The following CFHR4 variants were observed in gnomAD, a reference collection of about 807,000 sequenced individuals.
CFHR4 encodes complement factor H related 4, also known as complement factor H-related protein 4.
A neutral mutation model predicts 69.3 loss-of-function variants in CFHR4; 64 were observed. The observed-to-expected ratio is 0.92, with a 90% confidence interval of 0.76 to 1.14. The LOEUF (loss-of-function observed/expected upper bound fraction) is 1.14. Among genes scored for constraint, CFHR4 ranks in the 50% most tolerant of loss-of-function variants. The probability of loss-of-function intolerance (pLI) is 0.00; values close to 1 mark genes in which losing one functional copy is unlikely to be tolerated. For missense variants in CFHR4, 636 were observed against 684.9 expected (o/e 0.93, Z 0.80); for synonymous variants, 244 against 237.0 (o/e 1.03, Z -0.27).
At chr1:196,900,558 A>G (rs1301822571) in intron 1 of CFHR4, among the ~76,000 whole-genome samples, 1 of 151,394 alleles carries the variant, frequency 6.6e-6, no homozygotes, top group Non-Finnish European at 1.5e-5. Flanking sequence ...TTCTGAAATC[A>G]GAAAACTAAA....
At chr1:196,900,876 A>G (rs1029533463) in intron 1 of CFHR4, among the ~76,000 whole-genome samples, 3 of 151,528 alleles carry the variant, frequency 2.0e-5, no homozygotes, top group African/African-American at 7.3e-5. Context: ...CAACAATGAG[A>G]GATATGGATA....
chr1:196,908,201 T>G lies in CFHR4; in HGVS notation c.799+703T>G, dbSNP rs957560712. Among the ~76,000 whole-genome samples, 3 of 151,310 alleles carry G rather than the reference T, an allele frequency of 2.0e-5. 1 individual carries two copies. Among genetic ancestry groups the G allele is most frequent in the African/African-American group, 7.3e-5 (3 of 40,954 alleles). On this transcript the variant is annotated intron_variant, in intron 5 of 9. Transcript: ENST00000608469. ...GAGGGATAGCATTAAGAGAAACACC[T>G]AATGTAGGTGATGGGTTGATGGGTG...
intron 3 of CFHR4, 24 bp downstream of exon 3, chr1:196,905,314 T>G (rs751564137): frequency 1.2e-6 from 2 of 1,608,648 alleles, no homozygotes; most frequent in Non-Finnish European, 1.7e-6. Flanking sequence ...ATATTCCCAC[T>G]CAGTTTCTGT....
rs536964909 is a variant in CFHR4, at chr1:196,896,677, T to G, written c.59-5741T>G. On this transcript the variant is annotated intron_variant, in intron 1 of 9. Transcript: ENST00000608469. Reference sequence around the variant, plus strand: ...CACTGTGCTAGGAGCTAAAATTGACTGAATGTGAGTGCAACTTACGATCCA... The same window carrying G: ...CACTGTGCTAGGAGCTAAAATTGACGGAATGTGAGTGCAACTTACGATCCA... 6.5e-4 allele frequency among the ~76,000 whole-genome samples: 99 copies of G among 151,600 alleles called. 3 individuals are homozygous for G. The highest frequency in any genetic ancestry group is 2.3e-3 in the African/African-American group (95 of 41,140).
At chr1:196,905,418 T>C in intron 3 of CFHR4, 128 bp downstream of exon 3, 1 of 1,320,984 alleles carries the variant, frequency 7.6e-7, no homozygotes, top group South Asian at 1.4e-5. Context: ...TCTAACATCA[T>C]CTAACATTCT....
chr1:196,917,253 T>G (rs532048714), intron 9 of CFHR4, among the ~76,000 whole-genome samples: 2 of 151,840 alleles, frequency 1.3e-5, no homozygotes, highest in African/African-American at 4.8e-5. Flanking sequence ...GGTGAGTGAA[T>G]GATATCATCA....
Position 196,905,183 on chromosome 1 carries a change from A to G in CFHR4, c.332A>G (p.Glu111Gly). 6.2e-7 allele frequency: 1 copy of G among 1,610,062 alleles called. No individual in the cohort carries two copies. Among genetic ancestry groups the G allele is most frequent in the Non-Finnish European group, 8.5e-7 (1 of 1,178,298 alleles). Reference protein sequence around the residue: ...SESSSIYILNEETQYNCKPGY... With the variant: ...SESSSIYILNGETQYNCKPGY... ...TCTTCCTCTATTTATATTTTAAATGAAGAAACACAATATAATTGTAAACCA... is the reference window on the plus strand; with the variant it reads ...TCTTCCTCTATTTATATTTTAAATGGAGAAACACAATATAATTGTAAACCA... The change falls in exon 3 of 10, where the codon GAA (glutamate) becomes GGA (glycine). Residue 111 changes from glutamate (E) to glycine (G), a missense_variant. This residue lies in a region of CFHR4 where 529 missense variants were observed against 533.2 expected (regional missense o/e 0.99). Coordinates refer to ENST00000608469, the MANE Select transcript of CFHR4 (RefSeq NM_001201550.3).
At chr1:196,911,977 T>C (rs1012616129) in intron 6 of CFHR4, among the ~76,000 whole-genome samples, 5 of 151,378 alleles carry the variant, frequency 3.3e-5, no homozygotes, top group Admixed American at 3.3e-4. Flanking sequence ...TTCTTTCAGA[T>C]AGTAAAATTA....
chr1:196,895,657 A>G (rs1030712976), intron 1 of CFHR4, among the ~76,000 whole-genome samples: 2 of 150,648 alleles, frequency 1.3e-5, no homozygotes, highest in African/African-American at 4.9e-5. Flanking sequence ...CATTTTGATC[A>G]TACATCATTT....
At chr1:196,899,046 C>A (rs1335471390) in intron 1 of CFHR4, among the ~76,000 whole-genome samples, 1 of 151,618 alleles carries the variant, frequency 6.6e-6, no homozygotes, top group Admixed American at 6.6e-5. Context: ...GTCCAGCACA[C>A]AACAAGTGGA....
rs926395214 is a variant in CFHR4, at chr1:196,908,248, G to A, written c.799+750G>A. Reference sequence around the variant, plus strand: ...GGTGCAGCAAACCACCATGGCACATGTATTCCTATGTAAAAAAACTGCATG... The same window carrying A: ...GGTGCAGCAAACCACCATGGCACATATATTCCTATGTAAAAAAACTGCATG... On this transcript the variant is annotated intron_variant, in intron 5 of 9. Transcript: ENST00000608469. Among the ~76,000 whole-genome samples, 6 of 151,242 alleles carry A rather than the reference G, an allele frequency of 4.0e-5. 1 individual carries two copies. Among genetic ancestry groups the A allele is most frequent in the South Asian group, 2.1e-4 (1 of 4,812 alleles).
In CFHR4 at chr1:196,894,782, T is replaced by C. The variant is rs189648403; in HGVS notation, c.58+6574T>C. On this transcript the variant is annotated intron_variant, in intron 1 of 9. Coordinates refer to ENST00000608469, the MANE Select transcript of CFHR4 (RefSeq NM_001201550.3). ...AAAATTTGATTATGACCAAGTATAG[T>C]GGCTCATTCCTGTAACGCCAGCACT... 1.8e-3 allele frequency among the ~76,000 whole-genome samples: 279 copies of C among 151,380 alleles called. 11 individuals carry two copies. The highest frequency in any genetic ancestry group is 6.5e-3 in the African/African-American group (268 of 41,076).
At chr1:196,916,934 G>A (rs1278858233) in intron 9 of CFHR4, among the ~76,000 whole-genome samples, 1 of 151,498 alleles carries the variant, frequency 6.6e-6, no homozygotes, top group Non-Finnish European at 1.5e-5. Context: ...ATATACATAT[G>A]GCATATTAAA....
At position 196,888,318 on chromosome 1, in the gene CFHR4, C is replaced by G. The variant is rs1656835993; in HGVS notation, c.58+110C>G. On this transcript the variant is annotated intron_variant, in intron 1 of 9. Transcript: ENST00000608469. ...TTATAAATCTGATAGGATATATTCA[C>G]TATGCTAGCAGAAGTAGCATATTTT... 6 of 1,042,886 alleles carry G rather than the reference C, an allele frequency of 5.8e-6. No homozygotes were observed. The South Asian group carries it at 8.6e-5, about 15-fold the overall frequency. 64.6% of individuals were successfully genotyped at this position (1,042,886 alleles called of 1,614,324 possible).
Position 196,905,113 on chromosome 1 carries a change from T to C in CFHR4, c.262T>C (p.Cys88Arg), listed in dbSNP as rs747899073. 1.1e-5 allele frequency: 17 copies of C among 1,593,970 alleles called. 1 individual carries two copies. Among genetic ancestry groups the C allele is most frequent in the Non-Finnish European group, 1.4e-5 (16 of 1,171,336 alleles). The change falls in exon 3 of 10, where the codon TGC (cysteine) becomes CGC (arginine). Residue 88 changes from cysteine (C) to arginine (R), a missense_variant. Cys to Arg is a radical substitution (Grantham distance 180). Transcript: ENST00000608469. ...CTCTACTTTTTCTATTTTAGGAACA[T>C]GCTCAAAATCAGATGTAGAAATTGA... The part of the protein sequence containing the change: ...WSPTVPCLRT[C>R]SKSDVEIENG...
At position 196,905,196 on chromosome 1, in the gene CFHR4, T is replaced by C; in HGVS notation, c.345T>C (p.Tyr115=). The C allele has an allele frequency of 2.5e-6, 4 of 1,610,862 alleles. No individual in the cohort carries two copies. Among genetic ancestry groups the C allele is most frequent in the Non-Finnish European group, 1.7e-6 (2 of 1,178,656 alleles). ...ATATTTTAAATGAAGAAACACAATA[T>C]AATTGTAAACCAGGATATGCAACAG... ...SIYILNEETQ[Y]NCKPGYATAE... is the part of the protein sequence containing the mutation. Residue 115 remains tyrosine (Y), a synonymous_variant, in exon 3 of 10, where the codon TAT becomes TAC. Transcript: ENST00000608469.
Position 196,893,466 on chromosome 1 carries a change from T to C in CFHR4, c.58+5258T>C, listed in dbSNP as rs550843201. 8.6e-5 allele frequency among the ~76,000 whole-genome samples: 13 copies of C among 151,778 alleles called. 1 individual carries two copies. In the South Asian group the frequency reaches 2.7e-3, roughly 32 times the overall value. ...TCTGAGCCTTCCACATTTTAAGTGG[T>C]ATGATTCAAAATTACACATACAAAC... On this transcript the variant is annotated intron_variant, in intron 1 of 9. Coordinates refer to ENST00000608469, the MANE Select transcript of CFHR4 (RefSeq NM_001201550.3).
At chr1:196,895,314 T>C (rs1386730190) in intron 1 of CFHR4, among the ~76,000 whole-genome samples, 1 of 151,512 alleles carries the variant, frequency 6.6e-6, no homozygotes, top group African/African-American at 2.4e-5. Flanking sequence ...TCTCATTAAG[T>C]TCATTAAGTT....
intron 2 of CFHR4, among the ~76,000 whole-genome samples, chr1:196,904,164 C>T (rs1169942810): frequency 6.6e-6 from 1 of 151,578 alleles, no homozygotes; most frequent in Admixed American, 6.6e-5. Context: ...TGTCATTAAT[C>T]CACTTAACAA....
Sources: gnomAD v4.1 joint callset for allele counts (sites outside exome capture counted in the v4.1 genomes callset) on GRCh38, gnomAD v4.1.1 for gene constraint, gnomAD v4.1.1 regional missense constraint, MANE v1.5 for transcripts, NCBI Gene and HGNC (gene_info 2026-07-23, HGNC 2026-07-21) for gene names.